MTUS1: variants seen among roughly 807,000 people sequenced by gnomAD.
The protein encoded by MTUS1 is microtubule associated scaffold protein 1.
Under a neutral mutation model 120.8 loss-of-function variants are expected in MTUS1, and 109 were observed. That is an observed-to-expected ratio of 0.90 (90% CI 0.77 to 1.06). The LOEUF is 1.06. Ranked by LOEUF, MTUS1 falls within the 50% of genes least tolerant of loss-of-function variation. The pLI, the probability that MTUS1 is intolerant of heterozygous loss-of-function variation, is 0.00. For synonymous variants in MTUS1, 737 were observed against 550.5 expected (o/e 1.34, Z -4.74); for missense variants, 2,210 against 1,486.3 (o/e 1.49, Z -8.01).
intron 4 of MTUS1, among the ~76,000 whole-genome samples, chr8:17,721,071 A>C (rs571188662): frequency 6.6e-6 from 1 of 152,348 alleles, no homozygotes; most frequent in Non-Finnish European, 1.5e-5. Context: ...GTTATATCAG[A>C]AGTTCTTAAA....
intron 6 of MTUS1, among the ~76,000 whole-genome samples, chr8:17,688,293 CAGG>C (rs1015316435): frequency 1.3e-4 from 20 of 152,284 alleles, no homozygotes; most frequent in Admixed American, 2.6e-4. Context: ...TTTGCGGGGA[CAGG>C]AGAAGTATCA....
intron 3 of MTUS1, among the ~76,000 whole-genome samples, chr8:17,741,887 G>C (rs2047345098): frequency 1.3e-5 from 2 of 152,192 alleles, no homozygotes; most frequent in South Asian, 4.1e-4. Flanking sequence ...AAGATGTGAA[G>C]ATGAAGCCCA....
chr8:17,713,268 A>G lies in MTUS1; in HGVS notation c.2585-16T>C. ...CTCGAAGGACCTAAGATATAAAAGA[A>G]ACATGTAAAATACATATGTTTTATT... On this transcript the variant is annotated splice_polypyrimidine_tract_variant and intron_variant, in intron 5 of 14. Transcript: ENST00000693296. The G allele has an allele frequency of 6.9e-7, 1 of 1,442,968 alleles. No homozygotes were observed. Among genetic ancestry groups the G allele is most frequent in the African/African-American group, 1.4e-5 (1 of 71,368 alleles). The allele number at this position is 1,442,968 out of a possible 1,614,324, so 89.4% of individuals were successfully genotyped here. A position where few individuals can be genotyped will look rare whatever the true frequency, so the allele number is the denominator to read the frequency against.
At chr8:17,775,428 C>T (rs1163934483) in intron 1 of MTUS1, among the ~76,000 whole-genome samples, 1 of 152,050 alleles carries the variant, frequency 6.6e-6, no homozygotes, top group Non-Finnish European at 1.5e-5. Flanking sequence ...TCTGAGACCT[C>T]AAATGCTAAA....
chr8:17,756,674 C>CCCCCCCCG (rs541307072), intron 1 of MTUS1, among the ~76,000 whole-genome samples: 6 of 53,290 alleles, frequency 1.1e-4, no homozygotes, highest in Non-Finnish European at 1.9e-4. Flanking sequence ...AGCCCAAACC[C>CCCCCCCCG]CCACCCCTTA....
At chr8:17,667,923 T>G (rs774707521) in intron 8 of MTUS1, among the ~76,000 whole-genome samples, 1 of 152,214 alleles carries the variant, frequency 6.6e-6, no homozygotes, top group Non-Finnish European at 1.5e-5. Context: ...AGCTCATAAT[T>G]TTCATGCACA....
intron 6 of MTUS1, among the ~76,000 whole-genome samples, chr8:17,686,756 G>T (rs796252281): frequency 2.0e-5 from 3 of 152,050 alleles, no homozygotes; most frequent in African/African-American, 7.2e-5. Flanking sequence ...TTATAAATCC[G>T]TAACAAAAAT....
At chr8:17,696,555 G>C (rs115953506) in intron 6 of MTUS1, among the ~76,000 whole-genome samples, 4,493 of 152,208 alleles carry the variant, frequency 0.03, 116 homozygotes, top group African/African-American at 0.067. Flanking sequence ...TAGGACAAAA[G>C]TAGCAACATA....
chr8:17,685,724 G>A (rs1563201115), intron 6 of MTUS1, among the ~76,000 whole-genome samples: 1 of 152,130 alleles, frequency 6.6e-6, no homozygotes, highest in Non-Finnish European at 1.5e-5. Context: ...TTCTATGGCT[G>A]CATTACATGG....
intron 3 of MTUS1, among the ~76,000 whole-genome samples, chr8:17,730,295 A>C (rs1479573194): frequency 6.6e-6 from 1 of 152,160 alleles, no homozygotes. Flanking sequence ...CAGTCTGGCG[A>C]ATATGGTGAA....
chr8:17,731,895 C>T (rs1299109244), intron 3 of MTUS1, among the ~76,000 whole-genome samples: 1 of 152,198 alleles, frequency 6.6e-6, no homozygotes, highest in African/African-American at 2.4e-5. Flanking sequence ...TTGCTTAACC[C>T]CATAGAAGAG....
chr8:17,653,345 C>A, intron 11 of MTUS1, 64 bp from the exon 12 acceptor site: 1 of 1,507,278 alleles, frequency 6.6e-7, no homozygotes, highest in Non-Finnish European at 9.0e-7. Context: ...AGCATACGTA[C>A]ACAGAAACAT....
At chr8:17,801,312 T>C (rs974641784), upstream of MTUS1, 5 of 151,570 alleles carry the variant, frequency 3.3e-5, no homozygotes, top group South Asian at 2.1e-4. Context: ...TTCGGGAAAC[T>C]TGTAAATAGC....
rs909849033 is a variant in MTUS1 at position 17,715,636 on chromosome 8, A to T, written c.2584+131T>A. ...TTTCCTCAGTGCAAAAATGTATTATATCTCCTTTCTCAACATATTTGTAAT... is the reference window on the plus strand; with the variant it reads ...TTTCCTCAGTGCAAAAATGTATTATTTCTCCTTTCTCAACATATTTGTAAT... On this transcript the variant is annotated intron_variant, in intron 5 of 14. Transcript: ENST00000693296. 3 of 947,380 alleles carry T rather than the reference A, an allele frequency of 3.2e-6. No individual in the cohort carries two copies. In the African/African-American group the frequency reaches 5.0e-5, roughly 16 times the overall value. The allele number at this position is 947,380 out of a possible 1,614,324, so 58.7% of individuals were successfully genotyped here.
rs1004763417 is a variant in MTUS1 at position 17,654,336 on chromosome 8, C to A, written c.3214+225G>T. The A allele has an allele frequency of 7.0e-5, 39 of 555,372 alleles. 1 individual carries two copies. Among genetic ancestry groups the A allele is most frequent in the East Asian group, 2.7e-4 (9 of 33,712 alleles). The allele number at this position is 555,372 out of a possible 1,614,324, so 34.4% of individuals were successfully genotyped here. On this transcript the variant is annotated intron_variant, in intron 10 of 14. Transcript: ENST00000693296. Reference sequence around the variant, plus strand: ...AATGGCCTTTACAGTCTTCCAAAGCCCATCCTATTTAACACAAGGCTGGCA... The same window carrying A: ...AATGGCCTTTACAGTCTTCCAAAGCACATCCTATTTAACACAAGGCTGGCA...
At chr8:17,731,257 G>T (rs375320825) in intron 3 of MTUS1, among the ~76,000 whole-genome samples, 1 of 152,124 alleles carries the variant, frequency 6.6e-6, no homozygotes, top group Non-Finnish European at 1.5e-5. Context: ...TGACAATCTC[G>T]AGGTAGATCG....
At chr8:17,799,386 A>G (rs1450323447) in intron 1 of MTUS1, among the ~76,000 whole-genome samples, 2 of 152,172 alleles carry the variant, frequency 1.3e-5, no homozygotes, top group Non-Finnish European at 2.9e-5. Flanking sequence ...ACGCAATAGT[A>G]TATTTAGATA....
In MTUS1 at chr8:17,703,342, G is replaced by A. The variant is rs937359603; in HGVS notation, c.2623+9872C>T. Among the ~76,000 whole-genome samples, 3 of 152,194 alleles carry A rather than the reference G, an allele frequency of 2.0e-5. No homozygotes were observed. The East Asian group carries it at 5.8e-4, about 29-fold the overall frequency. On this transcript the variant is annotated intron_variant, in intron 6 of 14. Transcript: ENST00000693296. The stretch of plus-strand genomic sequence containing the variant: ...CTGGGAGTGTCTGTCCTATGCGGTG[G>A]AGATAGCTTGGCCGGGTGCGGTGGC...
chr8:17,648,877 G>A (rs552985705), intron 13 of MTUS1, among the ~76,000 whole-genome samples: 4 of 152,318 alleles, frequency 2.6e-5, no homozygotes, highest in East Asian at 1.9e-4. Context: ...CCGCGAGGGC[G>A]GGGATCACTT....
Sources: allele counts gnomAD v4.1 joint callset (sites outside exome capture counted in the v4.1 genomes callset), GRCh38; gene constraint gnomAD v4.1.1; transcripts MANE v1.5; gene names NCBI Gene and HGNC (gene_info 2026-07-23, HGNC 2026-07-21).